HS6ST3: variants seen among roughly 807,000 people sequenced by gnomAD.
HS6ST3 encodes the protein heparan sulfate 6-O-sulfotransferase 3.
A neutral mutation model predicts 36.7 loss-of-function variants in HS6ST3; 12 were observed. The ratio of observed to expected loss-of-function variants is 0.33; its 90% CI spans 0.21 to 0.53. The LOEUF is 0.53. HS6ST3 is among the 20% of genes least tolerant of loss of function. HS6ST3 has a pLI of 0.95. For missense variants in HS6ST3, 584 were observed against 640.9 expected (o/e 0.91, Z 0.96); for synonymous variants, 240 against 257.5 (o/e 0.93, Z 0.65).
chr13:96,248,788 AT>A (rs1239807575), intron 1 of HS6ST3, among the ~76,000 whole-genome samples: 1 of 152,180 alleles, frequency 6.6e-6, no homozygotes, highest in Non-Finnish European at 1.5e-5. Context: ...TATTCAAAGT[AT>A]TTTTTAAATT....
chr13:96,229,109 C>G (rs2054495167), intron 1 of HS6ST3, among the ~76,000 whole-genome samples: 1 of 152,096 alleles, frequency 6.6e-6, no homozygotes, highest in Non-Finnish European at 1.5e-5. Flanking sequence ...GTATAGCCAT[C>G]AAAATACCAA....
chr13:96,487,557 T>A (rs901274885), intron 1 of HS6ST3, among the ~76,000 whole-genome samples: 4 of 152,122 alleles, frequency 2.6e-5, no homozygotes, highest in Non-Finnish European at 4.4e-5. Flanking sequence ...TTTGGTAATC[T>A]CAGGTTCATA....
At chr13:96,564,550 T>A (rs1370226603) in intron 1 of HS6ST3, among the ~76,000 whole-genome samples, 1 of 152,108 alleles carries the variant, frequency 6.6e-6, no homozygotes, top group African/African-American at 2.4e-5. Flanking sequence ...ACCATAGCAA[T>A]ATATACATGA....
At chr13:96,626,832 T>G (rs1261930907) in intron 1 of HS6ST3, among the ~76,000 whole-genome samples, 2 of 152,044 alleles carry the variant, frequency 1.3e-5, no homozygotes, top group Non-Finnish European at 2.9e-5. Context: ...TTCTACATAG[T>G]ATTTTTTTTA....
intron 1 of HS6ST3, among the ~76,000 whole-genome samples, chr13:96,721,170 A>C (rs1343688119): frequency 1.3e-5 from 2 of 152,148 alleles, no homozygotes; most frequent in East Asian, 3.9e-4. Flanking sequence ...CAAGGTGTTC[A>C]TGTGTTTTTA....
chr13:96,800,302 T>C (rs1386977487), intron 1 of HS6ST3, among the ~76,000 whole-genome samples: 4 of 151,574 alleles, frequency 2.6e-5, no homozygotes, highest in Admixed American at 2.6e-4. Flanking sequence ...CTCAGTGTTT[T>C]TTTTTTTAGC....
intron 1 of HS6ST3, among the ~76,000 whole-genome samples, chr13:96,215,163 A>G (rs1328069411): frequency 1.3e-5 from 2 of 152,322 alleles, no homozygotes; most frequent in Admixed American, 1.3e-4. Flanking sequence ...TGTCTGTGTT[A>G]TAACAGCAGC....
At chr13:96,282,519 C>A (rs2054780709) in intron 1 of HS6ST3, among the ~76,000 whole-genome samples, 1 of 152,088 alleles carries the variant, frequency 6.6e-6, no homozygotes, top group Admixed American at 6.5e-5. Flanking sequence ...GGGTAAATGG[C>A]CTTACCCAAA....
intron 1 of HS6ST3, among the ~76,000 whole-genome samples, chr13:96,368,023 C>T (rs1286559183): frequency 6.6e-6 from 1 of 152,086 alleles, no homozygotes. Context: ...AATATTTCAC[C>T]CCCAAAACTC....
At chr13:96,634,656 C>A in intron 1 of HS6ST3, among the ~76,000 whole-genome samples, 1 of 152,122 alleles carries the variant, frequency 6.6e-6, no homozygotes, top group East Asian at 1.9e-4. Context: ...CTCTTTCCTG[C>A]CTTTTCTGTG....
At chr13:96,349,967 C>T (rs2055174099) in intron 1 of HS6ST3, among the ~76,000 whole-genome samples, 1 of 152,094 alleles carries the variant, frequency 6.6e-6, no homozygotes, top group South Asian at 2.1e-4. Context: ...GAAACTCTGT[C>T]TTTCATTACT....
intron 1 of HS6ST3, among the ~76,000 whole-genome samples, chr13:96,726,698 C>A (rs1876014208): frequency 1.3e-5 from 2 of 152,056 alleles, no homozygotes; most frequent in South Asian, 4.2e-4. Flanking sequence ...ATATTGCCCT[C>A]TACTATAATT....
chr13:96,740,953 G>C (rs1342063226), intron 1 of HS6ST3, among the ~76,000 whole-genome samples: 7 of 152,266 alleles, frequency 4.6e-5, no homozygotes, highest in Non-Finnish European at 1.0e-4. Flanking sequence ...ACGTAACTGT[G>C]GGAAGTTAGA....
At position 96,164,419 on chromosome 13, in the gene HS6ST3, C is replaced by T. The variant is rs542136104; in HGVS notation, c.707+72850C>T. ...ATTAAAAACATGAAAATTAGCCTGGCGTGGTGACGTGCCTGTAGGCCTAGC... is the reference window on the plus strand; with the variant it reads ...ATTAAAAACATGAAAATTAGCCTGGTGTGGTGACGTGCCTGTAGGCCTAGC... On this transcript the variant is annotated intron_variant, in intron 1 of 1. Transcript: ENST00000376705. Among the ~76,000 whole-genome samples the T allele has an allele frequency of 1.9e-4, 29 of 151,862 alleles. 1 individual carries two copies. Among genetic ancestry groups the T allele is most frequent in the African/African-American group, 3.1e-4 (13 of 41,384 alleles).
intron 1 of HS6ST3, among the ~76,000 whole-genome samples, chr13:96,396,846 G>A (rs9634490): frequency 0.48 from 73,352 of 152,022 alleles, 18,049 homozygotes; most frequent in Middle Eastern, 0.59. Flanking sequence ...AAAAACAAGT[G>A]CATGGCAAAG....
At position 96,432,686 on chromosome 13, in the gene HS6ST3, C is replaced by G. The variant is rs527506271; in HGVS notation, c.707+341117C>G. Among the ~76,000 whole-genome samples the G allele has an allele frequency of 3.3e-5, 5 of 152,238 alleles. No homozygotes were observed. In the South Asian group the frequency reaches 8.3e-4, roughly 25 times the overall value. On this transcript the variant is annotated intron_variant, in intron 1 of 1. Coordinates refer to ENST00000376705, the MANE Select transcript of HS6ST3 (RefSeq NM_153456.4). The stretch of plus-strand genomic sequence containing the variant: ...CCTTCTTATACTAAATGTTCCTTAG[C>G]AAAAGGTCAGCAAACTCATCTTCAT...
intron 1 of HS6ST3, among the ~76,000 whole-genome samples, chr13:96,546,796 A>G (rs2056199511): frequency 6.6e-6 from 1 of 152,168 alleles, no homozygotes; most frequent in East Asian, 1.9e-4. Context: ...TTTGCATATT[A>G]AAGATTCAAT....
At chr13:96,291,918 A>G (rs1181288904) in intron 1 of HS6ST3, among the ~76,000 whole-genome samples, 2 of 152,188 alleles carry the variant, frequency 1.3e-5, no homozygotes, top group Non-Finnish European at 2.9e-5. Context: ...TATTGAGTAC[A>G]TATGGTTTGT....
At chr13:96,444,999 G>T (rs1337292310) in intron 1 of HS6ST3, among the ~76,000 whole-genome samples, 1 of 152,042 alleles carries the variant, frequency 6.6e-6, no homozygotes, top group Non-Finnish European at 1.5e-5. Flanking sequence ...AGTGGAAGGA[G>T]AAATTGTTAA....
Sources: allele counts gnomAD v4.1 joint callset (sites outside exome capture counted in the v4.1 genomes callset), GRCh38; gene constraint gnomAD v4.1.1; transcripts MANE v1.5; gene names NCBI Gene and HGNC (gene_info 2026-07-23, HGNC 2026-07-21).